The following KCND3 variants were observed in gnomAD, a reference collection of about 807,000 sequenced individuals.
KCND3 encodes the protein potassium voltage-gated channel subfamily D member 3, also known as A-type voltage-gated potassium channel KCND3.
A neutral mutation model predicts 51.1 loss-of-function variants in KCND3; 9 were observed. That is an observed-to-expected ratio of 0.18 (90% CI 0.11 to 0.31). The LOEUF is 0.31. KCND3 is among the 10% of genes least tolerant of loss of function. KCND3 has a pLI of 1.00. For synonymous variants in KCND3, 349 were observed against 368.0 expected (o/e 0.95, Z 0.59); for missense variants, 526 against 903.8 (o/e 0.58, Z 5.36).
chr1:111,885,014 A>G (rs1437401313), intron 2 of KCND3, among the ~76,000 whole-genome samples: 1 of 152,194 alleles, frequency 6.6e-6, no homozygotes, highest in African/African-American at 2.4e-5. Flanking sequence ...GTGACAACCA[A>G]AAATGTCTCC....
At chr1:111,836,055 T>G (rs972686109) in intron 2 of KCND3, among the ~76,000 whole-genome samples, 1 of 152,234 alleles carries the variant, frequency 6.6e-6, no homozygotes, top group Non-Finnish European at 1.5e-5. Context: ...AGGCATGTGG[T>G]AACATCTTCA....
At chr1:111,835,652 A>C (rs1048325303) in intron 2 of KCND3, among the ~76,000 whole-genome samples, 3 of 152,218 alleles carry the variant, frequency 2.0e-5, no homozygotes, top group African/African-American at 7.2e-5. Flanking sequence ...GACAGTTAAG[A>C]AATGCCATGG....
chr1:111,866,581 C>A (rs1668583553), intron 2 of KCND3, among the ~76,000 whole-genome samples: 1 of 140,162 alleles, frequency 7.1e-6, no homozygotes, highest in Non-Finnish European at 1.6e-5. Context: ...TTTCTTTAAA[C>A]ACACACACAC....
At chr1:111,832,452 T>A (rs544815538) in intron 2 of KCND3, among the ~76,000 whole-genome samples, 1 of 152,330 alleles carries the variant, frequency 6.6e-6, no homozygotes, top group East Asian at 1.9e-4. Flanking sequence ...ATTACTATAA[T>A]TCTCCAATCA....
chr1:111,812,970 C>A (rs1241622810), intron 2 of KCND3, among the ~76,000 whole-genome samples: 1 of 152,208 alleles, frequency 6.6e-6, no homozygotes, highest in African/African-American at 2.4e-5. Flanking sequence ...CTGCTAGAGG[C>A]AGGAGCAGCC....
chr1:111,952,406 A>G (rs560318840), intron 2 of KCND3, among the ~76,000 whole-genome samples: 1 of 152,280 alleles, frequency 6.6e-6, no homozygotes, highest in Admixed American at 6.5e-5. Context: ...ATGAAAAGGA[A>G]ACCCTGAAGC....
At chr1:111,987,154 C>G (rs182390472) in intron 1 of KCND3, among the ~76,000 whole-genome samples, 1 of 152,096 alleles carries the variant, frequency 6.6e-6, no homozygotes. Flanking sequence ...CCTAGTCCTG[C>G]TCTACCCTGA....
chr1:111,934,144 G>A (rs1189788774), intron 2 of KCND3, among the ~76,000 whole-genome samples: 1 of 152,098 alleles, frequency 6.6e-6, no homozygotes, highest in Admixed American at 6.6e-5. Flanking sequence ...ACTCCAAGTC[G>A]CCAGGTTGCT....
rs1031010328 is a variant in KCND3, at chr1:111,840,898, TG to T, written c.1107-53793del. Among the ~76,000 whole-genome samples, 11 of 152,262 alleles carry T rather than the reference TG, an allele frequency of 7.2e-5. 1 individual carries two copies. The Middle Eastern group carries it at 0.014, about 188-fold the overall frequency. ...TGCACAAATAATGCAGCAACTACAA[TG>T]GCCAGGCACTGTTCTAGGCAGAGGG... On this transcript the variant is annotated intron_variant, in intron 2 of 7. Coordinates refer to ENST00000302127, the MANE Select transcript of KCND3 (RefSeq NM_001378969.1).
chr1:111,882,091 G>A (rs375222279), intron 2 of KCND3, among the ~76,000 whole-genome samples: 1 of 152,200 alleles, frequency 6.6e-6, no homozygotes, highest in Non-Finnish European at 1.5e-5. Flanking sequence ...GCTGCTGGCT[G>A]TTGGAGTGAG....
rs999990129 is a variant in KCND3 at position 111,847,337 on chromosome 1, CGTGTGAGTGT to C, written c.1107-60241_1107-60232del. Among the ~76,000 whole-genome samples, 15 of 152,138 alleles carry C rather than the reference CGTGTGAGTGT, an allele frequency of 9.9e-5. No individual in the cohort carries two copies. In the South Asian group the frequency reaches 1.2e-3, roughly 13 times the overall value. Reference sequence around the variant, plus strand: ...TTGAGGAGGAGGGAGGGAGGAAAAGCGTGTGAGTGTGTGTGAGTGTGTGTGTGTGTTTTGC... The same window carrying C: ...TTGAGGAGGAGGGAGGGAGGAAAAGCGTGTGAGTGTGTGTGTGTGTTTTGC... On this transcript the variant is annotated intron_variant, in intron 2 of 7. Coordinates refer to ENST00000302127, the MANE Select transcript of KCND3 (RefSeq NM_001378969.1).
intron 1 of KCND3, among the ~76,000 whole-genome samples, chr1:111,985,442 C>G (rs1675221472): frequency 1.3e-5 from 2 of 152,232 alleles, no homozygotes; most frequent in Admixed American, 1.3e-4. Context: ...CCAACTTTCC[C>G]TATCCCACAC....
At chr1:111,782,735 A>C (rs1664438501) in intron 3 of KCND3, among the ~76,000 whole-genome samples, 1 of 152,252 alleles carries the variant, frequency 6.6e-6, no homozygotes, top group South Asian at 2.1e-4. Flanking sequence ...TAGAGATGAA[A>C]GATTCTCCTG....
chr1:111,981,014 C>T lies in KCND3; in HGVS notation c.1106+607G>A, dbSNP rs1175090050. 1.3e-5 allele frequency among the ~76,000 whole-genome samples: 2 copies of T among 152,186 alleles called. No homozygotes were observed. Among genetic ancestry groups the T allele is most frequent in the East Asian group, 1.9e-4 (1 of 5,188 alleles). ...TGCTTTAGAAAGAAAGAATAAACCA[C>T]GTGCCTTACTGCGAAAAATCCAGGT... On this transcript the variant is annotated intron_variant, in intron 2 of 7. Transcript: ENST00000302127. The surrounding 1 kb of genome is among the most constrained non-coding windows in gnomAD (Gnocchi z 6.2).
At chr1:111,872,695 T>C (rs1668880008) in intron 2 of KCND3, among the ~76,000 whole-genome samples, 1 of 152,076 alleles carries the variant, frequency 6.6e-6, no homozygotes, top group Non-Finnish European at 1.5e-5. Context: ...AGACAATAAA[T>C]GAACAACACA....
In KCND3 at chr1:111,780,629, A is replaced by G. The variant is rs1207948131; in HGVS notation, c.1371+61T>C. ...TGGTGAGAGTGCTGGTGTCCCGGGA[A>G]AGAGAAAACAAGCCCATCTACCCCT... is the stretch of plus-strand genomic sequence containing the variant. On this transcript the variant is annotated intron_variant, in intron 4 of 7. Transcript: ENST00000302127. The surrounding 1 kb of genome is among the most constrained non-coding windows in gnomAD (Gnocchi z 4.2). The G allele has an allele frequency of 1.4e-6, 2 of 1,380,540 alleles. No individual in the cohort carries two copies. Among genetic ancestry groups the G allele is most frequent in the Non-Finnish European group, 2.0e-6 (2 of 987,976 alleles). The allele number at this position is 1,380,540 out of a possible 1,614,324, so 85.5% of individuals were successfully genotyped here. A position where few individuals can be genotyped will look rare whatever the true frequency, so the allele number is the denominator to read the frequency against.
chr1:111,866,263 C>CTTTTTTTTTTTTTTTTTTTTT (rs11399761), intron 2 of KCND3, among the ~76,000 whole-genome samples: 1 of 54,222 alleles, frequency 1.8e-5, no homozygotes, highest in East Asian at 3.1e-4. Flanking sequence ...CTTTTCTTTT[C>CTTTTTTTTTTTTTTTTTTTTT]TTTTTTTTTT....
intron 2 of KCND3, among the ~76,000 whole-genome samples, chr1:111,951,947 TAGG>T (rs889408308): frequency 6.6e-6 from 1 of 152,238 alleles, no homozygotes. Flanking sequence ...AGGGATTTGG[TAGG>T]AGAAGAGAAT....
chr1:111,798,598 C>T (rs1363981803), intron 2 of KCND3, among the ~76,000 whole-genome samples: 1 of 151,828 alleles, frequency 6.6e-6, no homozygotes, highest in Non-Finnish European at 1.5e-5. Flanking sequence ...AGCAATCCCC[C>T]TGGTGTGTGT....
Sources: allele counts gnomAD v4.1 joint callset (sites outside exome capture counted in the v4.1 genomes callset), GRCh38; gene constraint gnomAD v4.1.1; non-coding constraint Gnocchi (gnomAD v3.1); transcripts MANE v1.5; gene names NCBI Gene and HGNC (gene_info 2026-07-23, HGNC 2026-07-21).